Variants in IPO11 observed in about 807,000 individuals in gnomAD.
The protein encoded by IPO11 is importin-11.
A neutral mutation model predicts 143.2 loss-of-function variants in IPO11; 66 were observed. The observed-to-expected ratio is 0.46, with a 90% CI of 0.38 to 0.57. The LOEUF (loss-of-function observed/expected upper bound fraction) is 0.57, where lower values mean the gene tolerates loss of function less well. IPO11 is among the 20% of genes least tolerant of loss of function. The pLI, the probability that IPO11 is intolerant of heterozygous loss-of-function variation, is 0.00. For synonymous variants in IPO11, 385 were observed against 377.8 expected (o/e 1.02, Z -0.22); for missense variants, 1,026 against 1,141.0 (o/e 0.90, Z 1.45).
chr5:62,450,680 A>C (rs770918957), intron 4 of IPO11, among the ~76,000 whole-genome samples: 12 of 151,348 alleles, frequency 7.9e-5, no homozygotes, highest in Admixed American at 3.3e-4. Context: ...AAAAAAAACA[A>C]CTCAGAATGG....
intron 22 of IPO11, among the ~76,000 whole-genome samples, chr5:62,534,194 A>G (rs1742658187): frequency 6.6e-6 from 1 of 152,200 alleles, no homozygotes; most frequent in African/African-American, 2.4e-5. Flanking sequence ...ATTTAGTTCT[A>G]ATGGCTTTTT....
intron 26 of IPO11, among the ~76,000 whole-genome samples, chr5:62,553,427 C>A (rs779205100): frequency 4.6e-5 from 7 of 151,704 alleles, no homozygotes; most frequent in African/African-American, 4.8e-5. Context: ...CTTGGCTATT[C>A]TGAACAGTGC....
rs1245724645 is a variant in IPO11 at position 62,627,823 on chromosome 5, C to T, written c.*505C>T. On this transcript the variant is annotated 3_prime_UTR_variant, in exon 30 of 30. Coordinates refer to ENST00000325324, the MANE Select transcript of IPO11 (RefSeq NM_016338.5). ...AAATATATAAATAGTGACAAATACA[C>T]ATTACCAAGCTTATCTTGCAAGGGA... 1.3e-5 allele frequency: 2 copies of T among 152,632 alleles called. No individual in the cohort carries two copies. Among genetic ancestry groups the T allele is most frequent in the Non-Finnish European group, 2.9e-5 (2 of 68,056 alleles). The allele number at this position is 152,632 out of a possible 1,614,324, so 9.5% of individuals were successfully genotyped here.
chr5:62,485,872 A>G (rs1029347416), intron 12 of IPO11, among the ~76,000 whole-genome samples: 1 of 151,312 alleles, frequency 6.6e-6, no homozygotes, highest in East Asian at 1.9e-4. Context: ...AAAAAAAATT[A>G]AAGATTCCCA....
At chr5:62,596,201 C>T (rs756242886) in intron 28 of IPO11, among the ~76,000 whole-genome samples, 1 of 141,534 alleles carries the variant, frequency 7.1e-6, no homozygotes, top group African/African-American at 2.7e-5. Context: ...CCTGAGACAT[C>T]GAGGCTGCAG....
chr5:62,496,348 C>T (rs546446575), intron 16 of IPO11, among the ~76,000 whole-genome samples: 94 of 151,072 alleles, frequency 6.2e-4, no homozygotes, highest in Non-Finnish European at 1.0e-3. Context: ...ATGACTAATA[C>T]ATTAATATTC....
intron 1 of IPO11, among the ~76,000 whole-genome samples, chr5:62,430,536 C>T (rs247243): frequency 1.3e-5 from 2 of 151,628 alleles, no homozygotes; most frequent in South Asian, 2.1e-4. Flanking sequence ...TACCCAGGCT[C>T]GTCTTGAACT....
intron 24 of IPO11, among the ~76,000 whole-genome samples, chr5:62,544,239 A>G (rs914235279): frequency 1.3e-5 from 2 of 152,204 alleles, no homozygotes; most frequent in South Asian, 2.1e-4. Context: ...GCAGCACATC[A>G]AAAAGCTCAT....
At chr5:62,570,699 C>A (rs1484396925) in intron 27 of IPO11, among the ~76,000 whole-genome samples, 2 of 152,220 alleles carry the variant, frequency 1.3e-5, no homozygotes, top group Non-Finnish European at 2.9e-5. Context: ...GTTCTCAATG[C>A]TTTCCTCATA....
At chr5:62,542,599 T>G (rs76811264) in intron 24 of IPO11, among the ~76,000 whole-genome samples, 5 of 152,196 alleles carry the variant, frequency 3.3e-5, no homozygotes, top group Non-Finnish European at 7.3e-5. Context: ...CTGCAAGTAA[T>G]TTCTTTGTTC....
intron 4 of IPO11, among the ~76,000 whole-genome samples, chr5:62,450,212 T>C (rs1744860814): frequency 6.6e-6 from 1 of 152,234 alleles, no homozygotes; most frequent in Non-Finnish European, 1.5e-5. Context: ...GAAGTCATTT[T>C]AAGGTATATT....
intron 2 of IPO11, among the ~76,000 whole-genome samples, chr5:62,438,993 A>G (rs1744343487): frequency 6.6e-6 from 1 of 150,442 alleles, no homozygotes; most frequent in South Asian, 2.1e-4. Context: ...CAGGAAGCAG[A>G]GCTTGCAGTG....
rs199525156 is a variant in IPO11, at chr5:62,530,726, A to G, written c.2030A>G (p.Asn677Ser). Residue 677 changes from asparagine (N) to serine (S), a missense_variant, in exon 22 of 30, where the codon AAC (asparagine) becomes AGC (serine). Asn to Ser is a conservative substitution (Grantham distance 46, BLOSUM62 1). Around this residue, in one of 5 missense-constraint regions of IPO11, gnomAD observed 351 missense variants for 358.9 expected, o/e 0.98. Transcript: ENST00000325324. ...CTTCCTAGGTTAGTAACTTTGGAAA[A>G]CAGTCCATGTATTACACCAGAGTTG... ...GLELWLVTLENSPCITPELLR... is the reference protein window; with the variant it reads ...GLELWLVTLESSPCITPELLR... 1.1e-5 allele frequency: 17 copies of G among 1,612,618 alleles called. No homozygotes were observed. The highest frequency in any genetic ancestry group is 5.3e-5 in the African/African-American group (4 of 74,876).
At chr5:62,515,360 G>T in intron 19 of IPO11, 28 bp from the exon 20 acceptor site, 1 of 1,502,900 alleles carries the variant, frequency 6.7e-7, no homozygotes, top group Non-Finnish European at 9.0e-7. Flanking sequence ...ATAAAATTTT[G>T]TTGTTTCCTC....
intron 1 of IPO11, among the ~76,000 whole-genome samples, chr5:62,435,102 A>ATATATGTGTATATATGTG (rs1561308767): frequency 1.5e-5 from 1 of 67,172 alleles, no homozygotes. Context: ...GTATATATGT[A>ATATATGTGTATATATGTG]TATATATGTA....
intron 19 of IPO11, chr5:62,512,205 CT>C (rs763746517): frequency 7.3e-7 from 1 of 1,364,394 alleles, no homozygotes; most frequent in Non-Finnish European, 1.0e-6. Context: ...GTAAGGACAG[CT>C]GTGTAAAGCT....
chr5:62,595,751 GTT>G (rs2112435208), intron 28 of IPO11, among the ~76,000 whole-genome samples: 1 of 152,146 alleles, frequency 6.6e-6, no homozygotes, highest in South Asian at 2.1e-4. Flanking sequence ...TGGGTTTGTG[GTT>G]TGGTTGGTTT....
At chr5:62,503,826 T>C (rs1417462526) in intron 16 of IPO11, among the ~76,000 whole-genome samples, 3 of 152,200 alleles carry the variant, frequency 2.0e-5, no homozygotes, top group Non-Finnish European at 4.4e-5. Context: ...GTAAAATGTT[T>C]TAAACGCTTA....
chr5:62,492,922 T>C (rs1740979692), intron 15 of IPO11, among the ~76,000 whole-genome samples: 1 of 152,148 alleles, frequency 6.6e-6, no homozygotes, highest in African/African-American at 2.4e-5. Flanking sequence ...AAAAAAAGTG[T>C]TTCATTTATA....
Sources: gnomAD v4.1 joint callset for allele counts (sites outside exome capture counted in the v4.1 genomes callset) on GRCh38, gnomAD v4.1.1 for gene constraint, gnomAD v4.1.1 regional missense constraint, MANE v1.5 for transcripts, NCBI Gene and HGNC (gene_info 2026-07-23, HGNC 2026-07-21) for gene names.